The following PKHD1 variants were observed in gnomAD, a reference collection of about 807,000 sequenced individuals.
PKHD1 encodes fibrocystin.
In PKHD1, 291 loss-of-function variants were observed where a neutral mutation model predicts 412.0. The observed-to-expected ratio is 0.71, with a 90% confidence interval of 0.64 to 0.78. The LOEUF (loss-of-function observed/expected upper bound fraction) is 0.78, where lower values mean the gene tolerates loss of function less well. PKHD1 is among the 30% of genes least tolerant of loss of function. The pLI is 0.00. For missense variants in PKHD1, 4,825 were observed against 4,950.7 expected (o/e 0.97, Z 0.76); for synonymous variants, 1,777 against 1,821.5 (o/e 0.98, Z 0.62).
chr6:51,987,736 T>G (rs1318890214), intron 35 of PKHD1, among the ~76,000 whole-genome samples: 2 of 152,000 alleles, frequency 1.3e-5, no homozygotes, highest in African/African-American at 4.8e-5. Flanking sequence ...TAAGACCTTT[T>G]TTTTTTTTTT....
intron 36 of PKHD1, among the ~76,000 whole-genome samples, chr6:51,951,698 C>T (rs1421151298): frequency 6.6e-6 from 1 of 152,056 alleles, no homozygotes; most frequent in Non-Finnish European, 1.5e-5. Flanking sequence ...TAATGAAATG[C>T]TCAGTCCCCA....
chr6:52,014,962 T>G (rs1392784458), intron 34 of PKHD1, among the ~76,000 whole-genome samples: 1 of 152,120 alleles, frequency 6.6e-6, no homozygotes, highest in East Asian at 1.9e-4. Context: ...AAAAACTCAA[T>G]GAAGAAAATA....
chr6:51,781,831 A>C (rs1244611884), intron 53 of PKHD1, among the ~76,000 whole-genome samples: 1 of 152,028 alleles, frequency 6.6e-6, no homozygotes, highest in Non-Finnish European at 1.5e-5. Context: ...CTAATTCCTA[A>C]AGTACTAGCT....
Position 51,934,231 on chromosome 6 carries a change from G to C in PKHD1, c.6000C>G (p.Ser2000=). ...VSDGGELRIG[S]EDKPFQGRAQ... is the part of the protein sequence containing the mutation. ...CTCTGCCTTGGAAGGGCTTGTCTTCGGATCCAATCCGGAGCTCTCCACCAT... is the reference window on the plus strand; with the variant it reads ...CTCTGCCTTGGAAGGGCTTGTCTTCCGATCCAATCCGGAGCTCTCCACCAT... Residue 2000 remains serine, a synonymous_variant, in exon 37 of 67, where the codon TCC becomes TCG. Coordinates refer to ENST00000371117, the MANE Select transcript of PKHD1 (RefSeq NM_138694.4). The C allele has an allele frequency of 1.2e-6, 2 of 1,613,748 alleles. No individual in the cohort carries two copies. The highest frequency in any genetic ancestry group is 8.5e-7 in the Non-Finnish European group (1 of 1,179,774).
intron 52 of PKHD1, among the ~76,000 whole-genome samples, chr6:51,796,967 C>T (rs1411244860): frequency 6.6e-6 from 1 of 152,026 alleles, no homozygotes; most frequent in Non-Finnish European, 1.5e-5. Context: ...GTGTCTTCCA[C>T]CATACCTGGC....
intron 35 of PKHD1, among the ~76,000 whole-genome samples, chr6:51,960,358 T>C (rs1034277818): frequency 3.3e-5 from 5 of 152,146 alleles, no homozygotes; most frequent in Non-Finnish European, 5.9e-5. Flanking sequence ...TTGCCTTTTT[T>C]TTCCCCTCTA....
At chr6:51,684,647 C>T (rs1214904833) in intron 60 of PKHD1, among the ~76,000 whole-genome samples, 1 of 152,036 alleles carries the variant, frequency 6.6e-6, no homozygotes, top group African/African-American at 2.4e-5. Flanking sequence ...CTAGATATTC[C>T]CCCACTTGAT....
At chr6:51,720,961 G>A (rs767454231) in intron 60 of PKHD1, 134 of 981,834 alleles carry the variant, frequency 1.4e-4, no homozygotes, top group Non-Finnish European at 1.5e-4. Flanking sequence ...TTGACTTTAT[G>A]AAGGAAAAGA....
chr6:51,786,839 A>G (rs148645608), intron 53 of PKHD1, among the ~76,000 whole-genome samples: 33 of 152,336 alleles, frequency 2.2e-4, no homozygotes, highest in Middle Eastern at 6.8e-3. Flanking sequence ...CCCATGTTAA[A>G]TGAAAGAATG....
chr6:52,070,509 G>T, intron 9 of PKHD1, 64 bp from the exon 10 acceptor site: 1 of 1,212,646 alleles, frequency 8.2e-7, no homozygotes, highest in Non-Finnish European at 1.2e-6. Context: ...CCAGGCCATT[G>T]CTTTCATAAG....
intron 63 of PKHD1, among the ~76,000 whole-genome samples, chr6:51,642,223 G>A (rs2150342548): frequency 6.6e-6 from 1 of 152,192 alleles, no homozygotes; most frequent in Admixed American, 6.5e-5. Flanking sequence ...TAAAGTCTCA[G>A]TAAGGTATCA....
chr6:51,953,780 G>A (rs1790726371), intron 36 of PKHD1, among the ~76,000 whole-genome samples: 1 of 151,964 alleles, frequency 6.6e-6, no homozygotes, highest in Non-Finnish European at 1.5e-5. Context: ...GACTTAAAAA[G>A]ATCTGAATGT....
Position 51,945,276 on chromosome 6 carries a change from G to C in PKHD1, c.5909-10954C>G, listed in dbSNP as rs199881755. Among the ~76,000 whole-genome samples the C allele has an allele frequency of 9.8e-5, 15 of 152,312 alleles. No individual in the cohort carries two copies. The East Asian group carries it at 2.7e-3, about 27-fold the overall frequency. On this transcript the variant is annotated intron_variant, in intron 36 of 66. Coordinates refer to ENST00000371117, the MANE Select transcript of PKHD1 (RefSeq NM_138694.4). Reference sequence around the variant, plus strand: ...AGGAAATCTAAACTGACCTTGATGAGCAAGTGGTAAAGGCAGGGAACAAAA... The same window carrying C: ...AGGAAATCTAAACTGACCTTGATGACCAAGTGGTAAAGGCAGGGAACAAAA...
intron 49 of PKHD1, among the ~76,000 whole-genome samples, chr6:51,853,445 T>A (rs908800561): frequency 1.3e-5 from 2 of 152,226 alleles, no homozygotes; most frequent in African/African-American, 4.8e-5. Context: ...GTTCTCTGCA[T>A]TTCCTGAATT....
chr6:51,753,149 C>T, intron 57 of PKHD1, 52 bp downstream of exon 57: 1 of 1,517,992 alleles, frequency 6.6e-7, no homozygotes, highest in South Asian at 1.1e-5. Flanking sequence ...CTGGGTGTCC[C>T]AGATGAATAG....
intron 52 of PKHD1, among the ~76,000 whole-genome samples, chr6:51,814,605 G>C (rs1053989036): frequency 6.6e-6 from 1 of 151,836 alleles, no homozygotes; most frequent in African/African-American, 2.4e-5. Context: ...TGCAGGCTTG[G>C]AAGGCAGTAA....
In PKHD1 at chr6:51,904,055, G is replaced by T; in HGVS notation, c.6809-13C>A. ...TCCGTGCATGTCCCTGAGAACAAAA[G>T]ACCCCATTACTTGAGTATATTTTAT... On this transcript the variant is annotated splice_polypyrimidine_tract_variant and intron_variant, in intron 41 of 66. Transcript: ENST00000371117. 1 of 1,563,696 alleles carries T rather than the reference G, an allele frequency of 6.4e-7. No homozygotes were observed. The highest frequency in any genetic ancestry group is 8.8e-7 in the Non-Finnish European group (1 of 1,134,560).
intron 55 of PKHD1, among the ~76,000 whole-genome samples, chr6:51,767,678 G>T (rs914810551): frequency 6.6e-6 from 1 of 152,040 alleles, no homozygotes; most frequent in Non-Finnish European, 1.5e-5. Flanking sequence ...AGTATTCCAT[G>T]GTGTATATGT....
intron 35 of PKHD1, among the ~76,000 whole-genome samples, chr6:51,981,371 C>CTCTCCCTCTCCG (rs1795217129): frequency 1.2e-5 from 1 of 84,520 alleles, no homozygotes; most frequent in African/African-American, 4.5e-5. Context: ...CTCCCTCTCC[C>CTCTCCCTCTCCG]TCCACGGTCT....
Sources: allele counts gnomAD v4.1 joint callset (sites outside exome capture counted in the v4.1 genomes callset), GRCh38; gene constraint gnomAD v4.1.1; transcripts MANE v1.5; gene names NCBI Gene and HGNC (gene_info 2026-07-23, HGNC 2026-07-21).